The following TSNARE1 variants were observed in gnomAD, a reference collection of about 807,000 sequenced individuals.
TSNARE1 encodes t-SNARE domain containing 1.
Under a neutral mutation model 62.0 loss-of-function variants are expected in TSNARE1, and 49 were observed. The observed-to-expected ratio is 0.79, with a 90% CI of 0.63 to 1.00. The LOEUF (loss-of-function observed/expected upper bound fraction) is 1.00. TSNARE1 is among the 50% of genes least tolerant of loss of function. The pLI, the probability that TSNARE1 is intolerant of heterozygous loss-of-function variation, is 0.00. For synonymous variants in TSNARE1, 328 were observed against 294.4 expected, an observed-to-expected ratio of 1.11 and a Z score of -1.17; for missense variants, 755 against 700.1, an observed-to-expected ratio of 1.08 and a Z score of -0.88.
intron 1 of TSNARE1, chr8:142,365,966 G>A (rs1835520573): frequency 2.3e-6 from 1 of 443,492 alleles, no homozygotes; most frequent in South Asian, 1.6e-5. Context: ...TGATGGTTTT[G>A]TAGAGGAATT....
At chr8:142,364,166 C>G (rs546371297) in intron 1 of TSNARE1, among the ~76,000 whole-genome samples, 8 of 152,168 alleles carry the variant, frequency 5.3e-5, no homozygotes, top group Admixed American at 1.3e-4. Flanking sequence ...GGTTCCTCGG[C>G]GCTCTCCCTG....
intron 13 of TSNARE1, among the ~76,000 whole-genome samples, chr8:142,222,017 T>TCATCCACTCACTCATC (rs1816287174): frequency 6.9e-6 from 1 of 144,896 alleles, no homozygotes; most frequent in African/African-American, 2.7e-5. Flanking sequence ...ACTCACTCAC[T>TCATCCACTCACTCATC]CACTCATCCA....
intron 11 of TSNARE1, chr8:142,277,921 C>A (rs1020658276): frequency 6.1e-6 from 6 of 975,882 alleles, no homozygotes; most frequent in East Asian, 2.3e-4. Context: ...CTCAGCCCCA[C>A]ACCACATGTC....
chr8:142,255,185 G>C (rs67736411), intron 12 of TSNARE1, among the ~76,000 whole-genome samples: 76,887 of 151,746 alleles, frequency 0.51, 21,022 homozygotes, highest in African/African-American at 0.71. Context: ...ACTCAGCACC[G>C]TAAGACAGAG....
chr8:142,265,137 T>TGTGTGTG (rs1554632293), intron 12 of TSNARE1, among the ~76,000 whole-genome samples: 1 of 151,618 alleles, frequency 6.6e-6, no homozygotes, highest in African/African-American at 2.4e-5. Flanking sequence ...TGTGTGTGTG[T>TGTGTGTG]AGTTCTATGA....
At chr8:142,287,262 G>A (rs4077391) in intron 10 of TSNARE1, among the ~76,000 whole-genome samples, 18,406 of 123,338 alleles carry the variant, frequency 0.15, 491 homozygotes, top group African/African-American at 0.22. Flanking sequence ...CCAGATCTCA[G>A]GGACAGTGGG....
At chr8:142,270,646 C>T (rs1018421067) in intron 12 of TSNARE1, 2 of 985,266 alleles carry the variant, frequency 2.0e-6, no homozygotes, top group Admixed American at 6.2e-5. Flanking sequence ...TTTCAGGAGT[C>T]ACACCAGATC....
At chr8:142,269,268 T>A (rs1819313088) in intron 12 of TSNARE1, among the ~76,000 whole-genome samples, 1 of 152,244 alleles carries the variant, frequency 6.6e-6, no homozygotes, top group East Asian at 1.9e-4. Flanking sequence ...GTGACCAGGA[T>A]CAATGCTCCA....
intron 12 of TSNARE1, among the ~76,000 whole-genome samples, chr8:142,237,764 G>T (rs1215369073): frequency 6.6e-6 from 1 of 152,198 alleles, no homozygotes; most frequent in Non-Finnish European, 1.5e-5. Flanking sequence ...GGTGGATGCG[G>T]AGGGAGGGCC....
chr8:142,271,022 T>C, intron 12 of TSNARE1: 6 of 985,668 alleles, frequency 6.1e-6, no homozygotes, highest in Non-Finnish European at 7.2e-6. Flanking sequence ...CTGCCTGGAC[T>C]CAGCAGGGGA....
At chr8:142,223,271 T>TACTCACTCAACCAC (rs1554624403) in intron 13 of TSNARE1, among the ~76,000 whole-genome samples, 11 of 56,586 alleles carry the variant, frequency 1.9e-4, no homozygotes, top group African/African-American at 6.2e-4. Context: ...CACTCACTCA[T>TACTCACTCAACCAC]TCAGTCACTC....
chr8:142,317,355 T>C (rs1438279166), intron 7 of TSNARE1, among the ~76,000 whole-genome samples: 3 of 124,434 alleles, frequency 2.4e-5, no homozygotes, highest in Admixed American at 7.9e-5. Context: ...GCTCACACTG[T>C]ACGCGTGAAG....
intron 12 of TSNARE1, among the ~76,000 whole-genome samples, chr8:142,242,570 AG>A (rs1410674359): frequency 6.6e-6 from 1 of 152,248 alleles, no homozygotes; most frequent in African/African-American, 2.4e-5. Flanking sequence ...CTCAATAGCA[AG>A]AAGACAAATA....
chr8:142,334,998 G>A (rs182626697), intron 4 of TSNARE1, among the ~76,000 whole-genome samples: 5 of 152,274 alleles, frequency 3.3e-5, no homozygotes, highest in Admixed American at 6.5e-5. Context: ...ATTAAAGAAC[G>A]CCAGAATGGT....
chr8:142,263,256 C>T (rs909643801), intron 12 of TSNARE1, among the ~76,000 whole-genome samples: 2 of 152,210 alleles, frequency 1.3e-5, no homozygotes, highest in African/African-American at 2.4e-5. Context: ...TTTCTCAGGA[C>T]GTCTGGAAAT....
At chr8:142,266,125 C>A (rs72687350) in intron 12 of TSNARE1, among the ~76,000 whole-genome samples, 21,023 of 152,178 alleles carry the variant, frequency 0.14, 1,818 homozygotes, top group South Asian at 0.22. Flanking sequence ...TAAAATTAAT[C>A]AATATTTAAC....
intron 9 of TSNARE1, among the ~76,000 whole-genome samples, chr8:142,300,893 C>T (rs1156520755): frequency 2.0e-5 from 3 of 152,190 alleles, no homozygotes; most frequent in African/African-American, 7.2e-5. Flanking sequence ...TCAGCCCCCC[C>T]GCATCAGGTC....
intron 9 of TSNARE1, among the ~76,000 whole-genome samples, chr8:142,305,425 C>T (rs1826503532): frequency 6.6e-6 from 1 of 152,036 alleles, no homozygotes; most frequent in South Asian, 2.1e-4. Context: ...GCTGTGTGGA[C>T]ACCCAGGAAG....
At chr8:142,298,245 G>A (rs1825094600) in intron 10 of TSNARE1, among the ~76,000 whole-genome samples, 1 of 152,238 alleles carries the variant, frequency 6.6e-6, no homozygotes, top group Non-Finnish European at 1.5e-5. Context: ...TCCACGTGGG[G>A]CGCCCTTGCC....
Sources: allele counts gnomAD v4.1 joint callset (sites outside exome capture counted in the v4.1 genomes callset), GRCh38; gene constraint gnomAD v4.1.1; transcripts MANE v1.5; gene names NCBI Gene and HGNC (gene_info 2026-07-23, HGNC 2026-07-21).